FSIP2: variants seen among roughly 807,000 people sequenced by gnomAD.
The protein encoded by FSIP2 is fibrous sheath-interacting protein 2.
Under a neutral mutation model 510.5 loss-of-function variants are expected in FSIP2, and 367 were observed. The ratio of observed to expected loss-of-function variants is 0.72; its 90% CI spans 0.66 to 0.78. FSIP2 has a LOEUF of 0.78. Ranked by LOEUF, FSIP2 falls within the 30% of genes least tolerant of loss-of-function variation. The pLI, the probability that FSIP2 is intolerant of heterozygous loss-of-function variation, is 0.00. For missense variants in FSIP2, 7,594 were observed against 7,901.7 expected (o/e 0.96, Z 1.48); for synonymous variants, 2,601 against 2,732.2 (o/e 0.95, Z 1.50).
chr2:185,800,381 C>T lies in FSIP2; in HGVS notation c.11075C>T (p.Ser3692Phe). The T allele has an allele frequency of 6.6e-7, 1 of 1,526,578 alleles. No homozygotes were observed. Among genetic ancestry groups the T allele is most frequent in the Non-Finnish European group, 8.7e-7 (1 of 1,143,446 alleles). 94.6% of individuals were successfully genotyped at this position (1,526,578 alleles called of 1,614,324 possible). A position where few individuals can be genotyped will look rare whatever the true frequency, so the allele number is the denominator to read the frequency against. The change falls in exon 17 of 23, where the codon TCC becomes TTC. Residue 3692 changes from serine to phenylalanine, a missense_variant. Physicochemically the swap from Ser to Phe is radical, Grantham distance 155. Transcript: ENST00000424728. The part of the protein sequence containing the change: ...SLVGNLKTSE[S>F]KEVVNKVFNI... ...GTTGGTAACCTAAAAACAAGTGAAT[C>T]CAAAGAAGTAGTCAATAAAGTTTTT...
Position 185,791,991 on chromosome 2 carries a change from T to C in FSIP2, c.4855T>C (p.Trp1619Arg). Reference sequence around the variant, plus strand: ...AAATAAGAAAAGCAATAAGATAGGCTGGGAATATGAAAGCACCAATATTTC... The same window carrying C: ...AAATAAGAAAAGCAATAAGATAGGCCGGGAATATGAAAGCACCAATATTTC... Reference protein sequence around the residue: ...DGNKKSNKIGWEYESTNISRD... With the variant: ...DGNKKSNKIGREYESTNISRD... Residue 1619 changes from tryptophan to arginine, a missense_variant, in exon 16 of 23, where the codon TGG (tryptophan) becomes CGG (arginine). Transcript: ENST00000424728. 12 of 1,533,918 alleles carry C rather than the reference T, an allele frequency of 7.8e-6. No homozygotes were observed. The highest frequency in any genetic ancestry group is 1.0e-5 in the Non-Finnish European group (12 of 1,145,382).
At position 185,789,070 on chromosome 2, in the gene FSIP2, C is replaced by CAGAT. The variant is rs774963412; in HGVS notation, c.1937_1940dup (p.Ser647ArgfsTer2). The CAGAT allele has an allele frequency of 1.3e-6, 2 of 1,534,494 alleles. No individual in the cohort carries two copies. The highest frequency in any genetic ancestry group is 1.4e-5 in the African/African-American group (1 of 73,014). Reference sequence around the variant, plus strand: ...TACCCTAAGCTCAGAAGTTGTAAATCAGATAGTCACCTTTTAGCATCATTT... The same window carrying CAGAT: ...TACCCTAAGCTCAGAAGTTGTAAATCAGATAGATAGTCACCTTTTAGCATCATTT... On this transcript the variant is annotated frameshift_variant, in exon 16 of 23. Coordinates refer to ENST00000424728, the MANE Select transcript of FSIP2 (RefSeq NM_173651.4). LOFTEE classifies it high-confidence loss of function.
In FSIP2 at chr2:185,782,691, T is replaced by A; in HGVS notation, c.1412-14T>A. 1 of 1,479,978 alleles carries A rather than the reference T, an allele frequency of 6.8e-7. No homozygotes were observed. Among genetic ancestry groups the A allele is most frequent in the South Asian group, 1.2e-5 (1 of 82,870 alleles). 91.7% of individuals were successfully genotyped at this position (1,479,978 alleles called of 1,614,324 possible). A position where few individuals can be genotyped will look rare whatever the true frequency, so the allele number is the denominator to read the frequency against. ...TGGATACAAACTATGTAATTTTATT[T>A]TTCTGATAAATAGGACCTCAGGCTC... On this transcript the variant is annotated splice_polypyrimidine_tract_variant and intron_variant, in intron 13 of 22. Transcript: ENST00000424728.
Position 185,816,307 on chromosome 2 carries a change from T to A in FSIP2, c.20426+836T>A, listed in dbSNP as rs1203287338. 5.3e-5 allele frequency among the ~76,000 whole-genome samples: 8 copies of A among 151,974 alleles called. No homozygotes were observed. The South Asian group carries it at 1.0e-3, about 20-fold the overall frequency. ...CCATTGTCTCTTTTCTCCTACATAA[T>A]AGGTTATTTTAACATACATAGCTAG... On this transcript the variant is annotated intron_variant, in intron 19 of 22. Coordinates refer to ENST00000424728, the MANE Select transcript of FSIP2 (RefSeq NM_173651.4).
intron 13 of FSIP2, among the ~76,000 whole-genome samples, chr2:185,776,954 C>T (rs1692737908): frequency 6.6e-6 from 1 of 152,126 alleles, no homozygotes; most frequent in Admixed American, 6.5e-5. Context: ...GGACTCCTCA[C>T]CTCAGGTGAT....
At chr2:185,758,623 G>A (rs1003601238) in intron 9 of FSIP2, among the ~76,000 whole-genome samples, 2 of 151,028 alleles carry the variant, frequency 1.3e-5, no homozygotes, top group Non-Finnish European at 3.0e-5. Context: ...CTGGCCAGTG[G>A]AAGCACCTTT....
chr2:185,814,611 T>G (rs561442767), intron 18 of FSIP2, among the ~76,000 whole-genome samples: 1 of 152,080 alleles, frequency 6.6e-6, no homozygotes, highest in Non-Finnish European at 1.5e-5. Context: ...AAACATCTCT[T>G]GTTGATGGCT....
chr2:185,782,834 A>G, intron 14 of FSIP2, 72 bp downstream of exon 14: 1 of 806,952 alleles, frequency 1.2e-6, no homozygotes, highest in South Asian at 1.5e-5. Flanking sequence ...CTCATAAGCA[A>G]ATGATTCCAT....
chr2:185,832,657 C>CA (rs903175570), intron 22 of FSIP2, among the ~76,000 whole-genome samples: 11 of 150,940 alleles, frequency 7.3e-5, no homozygotes, highest in Admixed American at 6.6e-4. Flanking sequence ...ATAAGAGGTG[C>CA]AAAAAAAATG....
Position 185,808,614 on chromosome 2 carries a change from C to T in FSIP2, c.19308C>T (p.Asn6436=). ...YSNILQQSGT[N]KEFYYDIKDT... Reference sequence around the variant, plus strand: ...ACATACTGCAACAATCAGGAACCAACAAAGAATTTTATTATGATATAAAAG... The same window carrying T: ...ACATACTGCAACAATCAGGAACCAATAAAGAATTTTATTATGATATAAAAG... Residue 6436 remains asparagine, a synonymous_variant, in exon 17 of 23, where the codon AAC becomes AAT. Transcript: ENST00000424728. The T allele has an allele frequency of 6.2e-7, 1 of 1,602,822 alleles. No homozygotes were observed. Among genetic ancestry groups the T allele is most frequent in the Non-Finnish European group, 8.5e-7 (1 of 1,175,064 alleles).
intron 9 of FSIP2, among the ~76,000 whole-genome samples, chr2:185,757,932 T>G (rs1049274021): frequency 6.6e-6 from 1 of 151,156 alleles, no homozygotes; most frequent in Non-Finnish European, 1.5e-5. Flanking sequence ...TCATGCTGTT[T>G]ATTTGCAGTC....
At chr2:185,750,185 T>C (rs1042407092) in intron 7 of FSIP2, among the ~76,000 whole-genome samples, 3 of 151,738 alleles carry the variant, frequency 2.0e-5, no homozygotes, top group Non-Finnish European at 4.4e-5. Flanking sequence ...TAAATCTCTA[T>C]GTATTCCATC....
At chr2:185,743,408 CAATACTT>C (rs966663296) in intron 3 of FSIP2, 114 bp downstream of exon 3, 4 of 517,394 alleles carry the variant, frequency 7.7e-6, no homozygotes, top group Non-Finnish European at 1.3e-5. Flanking sequence ...GGTCATGAGA[CAATACTT>C]AATAGGCAGT....
Position 185,796,634 on chromosome 2 carries a change from G to A in FSIP2, c.9498G>A (p.Met3166Ile), listed in dbSNP as rs1693285780. The change falls in exon 16 of 23, where the codon ATG (methionine) becomes ATA (isoleucine). Residue 3166 changes from methionine (M) to isoleucine (I), a missense_variant. Physicochemically the swap from Met to Ile is conservative, Grantham distance 10 (BLOSUM62 1). Transcript: ENST00000424728. ...NQVELATNMK[M>I]FTSKLKEGSL... ...TTGAATTAGCAACTAATATGAAAAT[G>A]TTCACATCAAAGTTAAAGGAAGGTA... 6.5e-7 allele frequency: 1 copy of A among 1,535,022 alleles called. No individual in the cohort carries two copies. Among genetic ancestry groups the A allele is most frequent in the Non-Finnish European group, 8.7e-7 (1 of 1,146,226 alleles).
Position 185,761,054 on chromosome 2 carries a change from C to A in FSIP2, c.1145C>A (p.Ala382Asp). 6.6e-7 allele frequency: 1 copy of A among 1,504,608 alleles called. No individual in the cohort carries two copies. Among genetic ancestry groups the A allele is most frequent in the Non-Finnish European group, 8.9e-7 (1 of 1,122,796 alleles). The allele number at this position is 1,504,608 out of a possible 1,614,324, so 93.2% of individuals were successfully genotyped here. A position where few individuals can be genotyped will look rare whatever the true frequency, so the allele number is the denominator to read the frequency against. The change falls in exon 10 of 23, where the codon GCT becomes GAT. Residue 382 changes from alanine to aspartate, a missense_variant. Transcript: ENST00000424728. Reference sequence around the variant, plus strand: ...AATAATTTTACGAAAAAAAACTCAGCTTCTGTTGTTTATCAGGCAGATGTA... The same window carrying A: ...AATAATTTTACGAAAAAAAACTCAGATTCTGTTGTTTATCAGGCAGATGTA... ...SSNNFTKKNSASVVYQADVQD... is the reference protein window; with the variant it reads ...SSNNFTKKNSDSVVYQADVQD...
rs1693061435 is a variant in FSIP2 at position 185,789,304 on chromosome 2, T to A, written c.2168T>A (p.Ile723Asn). 14 of 1,534,678 alleles carry A rather than the reference T, an allele frequency of 9.1e-6. No individual in the cohort carries two copies. Among genetic ancestry groups the A allele is most frequent in the Non-Finnish European group, 1.1e-5 (13 of 1,145,868 alleles). The change falls in exon 16 of 23, where the codon ATT (isoleucine) becomes AAT (asparagine). Residue 723 changes from isoleucine to asparagine, a missense_variant. Coordinates refer to ENST00000424728, the MANE Select transcript of FSIP2 (RefSeq NM_173651.4). ...REIMSDLTQA[I>N]PSLSSVTAEV... ...ATAATGTCTGATTTAACCCAGGCCA[T>A]TCCCTCTCTCTCTTCTGTTACTGCT...
At chr2:185,743,903 T>C (rs1383707066) in intron 3 of FSIP2, among the ~76,000 whole-genome samples, 2 of 152,192 alleles carry the variant, frequency 1.3e-5, no homozygotes, top group Non-Finnish European at 2.9e-5. Flanking sequence ...GGCGCAATCA[T>C]GGCTCACTGC....
At chr2:185,797,600 TCTC>T in intron 16 of FSIP2, 74 bp downstream of exon 16, 1 of 1,413,200 alleles carries the variant, frequency 7.1e-7, no homozygotes, top group Non-Finnish European at 9.3e-7. Context: ...GTTTAAAAGA[TCTC>T]CTGTCTAAAA....
At chr2:185,745,795 TA>T (rs1472115036) in intron 5 of FSIP2, among the ~76,000 whole-genome samples, 1 of 152,078 alleles carries the variant, frequency 6.6e-6, no homozygotes, top group Non-Finnish European at 1.5e-5. Context: ...AAAGAAAAAT[TA>T]GATTCAAAAT....
Sources: gnomAD v4.1 joint callset for allele counts (sites outside exome capture counted in the v4.1 genomes callset) on GRCh38, gnomAD v4.1.1 for gene constraint, MANE v1.5 for transcripts, NCBI Gene and HGNC (gene_info 2026-07-23, HGNC 2026-07-21) for gene names.